LRP1B: variants seen among roughly 807,000 people sequenced by gnomAD.
LRP1B encodes LDL receptor related protein 1B.
A neutral mutation model predicts 556.6 loss-of-function variants in LRP1B; 217 were observed. That is an observed-to-expected ratio of 0.39 (90% CI 0.35 to 0.44). LRP1B has a LOEUF of 0.44. Ranked by LOEUF, LRP1B falls within the 20% of genes least tolerant of loss-of-function variation. LRP1B has a pLI of 1.00. For missense variants in LRP1B, 5,053 were observed against 5,620.8 expected (o/e 0.90, Z 3.23); for synonymous variants, 2,047 against 1,865.8 (o/e 1.10, Z -2.50).
chr2:140,710,520 T>C (rs2105448706), intron 37 of LRP1B, among the ~76,000 whole-genome samples: 1 of 152,120 alleles, frequency 6.6e-6, no homozygotes, highest in East Asian at 1.9e-4. Flanking sequence ...TTTCACTATA[T>C]ATGCATGATT....
intron 1 of LRP1B, among the ~76,000 whole-genome samples, chr2:141,845,912 A>G (rs1558914065): frequency 6.6e-6 from 1 of 151,674 alleles, no homozygotes; most frequent in Admixed American, 6.6e-5. Flanking sequence ...ATGTCACTGT[A>G]TATGTTGAAC....
At chr2:141,672,003 G>T (rs1412609189) in intron 2 of LRP1B, among the ~76,000 whole-genome samples, 1 of 151,698 alleles carries the variant, frequency 6.6e-6, no homozygotes, top group African/African-American at 2.4e-5. Flanking sequence ...CAGATATTAG[G>T]AAAATATGTT....
intron 3 of LRP1B, among the ~76,000 whole-genome samples, chr2:141,292,238 C>T (rs569601006): frequency 2.7e-4 from 41 of 152,254 alleles, no homozygotes; most frequent in Admixed American, 9.8e-4. Context: ...CCATCTCCCC[C>T]ATCCCGGTCT....
At chr2:140,381,666 C>G (rs1026072701) in intron 67 of LRP1B, among the ~76,000 whole-genome samples, 3 of 151,732 alleles carry the variant, frequency 2.0e-5, no homozygotes, top group Non-Finnish European at 2.9e-5. Flanking sequence ...AGTTCGAGAC[C>G]AGTCTGGCCA....
chr2:141,495,731 AC>A (rs1683486628), intron 2 of LRP1B, among the ~76,000 whole-genome samples: 1 of 152,110 alleles, frequency 6.6e-6, no homozygotes, highest in Non-Finnish European at 1.5e-5. Context: ...ATGCACACAC[AC>A]ACATACACGA....
intron 82 of LRP1B, 41 bp from the exon 83 acceptor site, chr2:140,315,140 G>A: frequency 7.5e-7 from 1 of 1,330,112 alleles, no homozygotes. Context: ...ATGTTTTCAG[G>A]GAGTAATTTA....
At chr2:140,933,137 T>C (rs1695104528) in intron 20 of LRP1B, among the ~76,000 whole-genome samples, 1 of 151,964 alleles carries the variant, frequency 6.6e-6, no homozygotes, top group Non-Finnish European at 1.5e-5. Flanking sequence ...AATGCCCACC[T>C]AGACTTCAAA....
chr2:141,373,072 A>C (rs943029714), intron 3 of LRP1B, among the ~76,000 whole-genome samples: 3 of 151,990 alleles, frequency 2.0e-5, no homozygotes, highest in African/African-American at 7.2e-5. Context: ...ATTTTTAAAA[A>C]ATTTCTGTCT....
intron 41 of LRP1B, among the ~76,000 whole-genome samples, chr2:140,699,809 T>A (rs1041402345): frequency 9.5e-5 from 14 of 147,456 alleles, no homozygotes; most frequent in African/African-American, 2.9e-4. Flanking sequence ...ATATATATAT[T>A]TTATATATAT....
intron 43 of LRP1B, among the ~76,000 whole-genome samples, chr2:140,580,121 G>A (rs1042346149): frequency 1.3e-5 from 2 of 152,088 alleles, no homozygotes; most frequent in Non-Finnish European, 2.9e-5. Context: ...CTGCTGATCT[G>A]GTGGTATCAA....
intron 32 of LRP1B, among the ~76,000 whole-genome samples, chr2:140,801,649 T>G (rs1257647684): frequency 6.6e-6 from 1 of 151,898 alleles, no homozygotes; most frequent in Non-Finnish European, 1.5e-5. Context: ...TTTTAACAAA[T>G]CTTATTGATT....
At chr2:140,367,411 A>G (rs1384887692) in intron 71 of LRP1B, among the ~76,000 whole-genome samples, 1 of 151,768 alleles carries the variant, frequency 6.6e-6, no homozygotes, top group Non-Finnish European at 1.5e-5. Flanking sequence ...CCACCAAACT[A>G]AGAAACAGAC....
At chr2:141,651,675 T>C (rs886396928) in intron 2 of LRP1B, among the ~76,000 whole-genome samples, 3 of 152,116 alleles carry the variant, frequency 2.0e-5, no homozygotes, top group Non-Finnish European at 2.9e-5. Context: ...TAAAAAATAA[T>C]AATGATAATA....
Position 141,890,385 on chromosome 2 carries a change from TATATA to T in LRP1B, c.83-79989_83-79985del, listed in dbSNP as rs1447432712. Among the ~76,000 whole-genome samples the T allele has an allele frequency of 9.6e-4, 55 of 57,198 alleles. 2 individuals carry two copies. The highest frequency in any genetic ancestry group is 2.3e-3 in the African/African-American group (52 of 22,458). The allele number at this position is 57,198 out of a possible 152,430, so 37.5% of individuals were successfully genotyped here. On this transcript the variant is annotated intron_variant, in intron 1 of 90. Transcript: ENST00000389484. ...CATATATATATATAGTGTGTATACA[TATATA>T]GTGTATATATATATATATACTGAAT...
chr2:141,295,711 C>G (rs564132091), intron 3 of LRP1B, among the ~76,000 whole-genome samples: 1 of 144,200 alleles, frequency 6.9e-6, no homozygotes, highest in East Asian at 2.2e-4. Flanking sequence ...GAGGGAAATG[C>G]CAAACAACTA....
chr2:142,120,015 C>G (rs1474949741), intron 1 of LRP1B, among the ~76,000 whole-genome samples: 1 of 152,044 alleles, frequency 6.6e-6, no homozygotes, highest in Admixed American at 6.5e-5. Flanking sequence ...TCCAAGGGCT[C>G]TAATTGTCCA....
In LRP1B at chr2:141,544,322, C is replaced by CTTCTTCTTCTT. The variant is rs1559130940; in HGVS notation, c.206-63800_206-63790dup. 3.8e-4 allele frequency among the ~76,000 whole-genome samples: 19 copies of CTTCTTCTTCTT among 50,408 alleles called. No individual in the cohort carries two copies. The East Asian group carries it at 6.7e-3, about 18-fold the overall frequency. The allele number at this position is 50,408 out of a possible 152,430, so 33.1% of individuals were successfully genotyped here. On this transcript the variant is annotated intron_variant, in intron 2 of 90. Coordinates refer to ENST00000389484, the MANE Select transcript of LRP1B (RefSeq NM_018557.3). ...TCTTCTTCTTCTTCTTCTTCTTCTT[C>CTTCTTCTTCTT]TTCTTCTTCTTCTTCTTCTTCTTCT... is the stretch of plus-strand genomic sequence containing the variant.
chr2:141,175,526 C>A (rs1406475883), intron 7 of LRP1B, among the ~76,000 whole-genome samples: 2 of 152,124 alleles, frequency 1.3e-5, no homozygotes, highest in African/African-American at 4.8e-5. Context: ...TTGTGTTGAA[C>A]CTGCATTCAC....
At chr2:141,102,331 TA>T (rs1700482668) in intron 7 of LRP1B, among the ~76,000 whole-genome samples, 1 of 152,164 alleles carries the variant, frequency 6.6e-6, no homozygotes, top group Admixed American at 6.6e-5. Flanking sequence ...CCTCTGTTTA[TA>T]TTGTACAGGT....
Sources: allele counts gnomAD v4.1 joint callset (sites outside exome capture counted in the v4.1 genomes callset), GRCh38; gene constraint gnomAD v4.1.1; transcripts MANE v1.5; gene names NCBI Gene and HGNC (gene_info 2026-07-23, HGNC 2026-07-21).